The following HECW2 variants were observed in gnomAD, a reference collection of about 807,000 sequenced individuals.
HECW2 encodes E3 ubiquitin-protein ligase HECW2.
HECW2 carries 61 observed loss-of-function variants against 175.2 expected under a neutral mutation model. The observed-to-expected ratio is 0.35, with a 90% CI of 0.28 to 0.43. HECW2 has a LOEUF of 0.43. Ranked by LOEUF, HECW2 falls within the 20% of genes least tolerant of loss-of-function variation. The pLI is 1.00. For missense variants in HECW2, 1,524 were observed against 2,000.5 expected, an observed-to-expected ratio of 0.76 and a Z score of 4.54; for synonymous variants, 671 against 731.0, an observed-to-expected ratio of 0.92 and a Z score of 1.32.
At chr2:196,435,452 T>C (rs1020546375) in intron 1 of HECW2, among the ~76,000 whole-genome samples, 6 of 152,162 alleles carry the variant, frequency 3.9e-5, no homozygotes, top group Admixed American at 3.3e-4. Flanking sequence ...TCCTAACACA[T>C]TGTAGTTGAA....
rs760313602 is a variant in HECW2 at position 196,319,081 on chromosome 2, C to T, written c.1809G>A (p.Gln603=). 6.2e-7 allele frequency: 1 copy of T among 1,606,940 alleles called. No individual in the cohort carries two copies. The highest frequency in any genetic ancestry group is 8.5e-7 in the Non-Finnish European group (1 of 1,176,730). Residue 603 remains glutamine, a synonymous_variant, in exon 9 of 29, where the codon CAG becomes CAA. Coordinates refer to ENST00000644978, the MANE Select transcript of HECW2 (RefSeq NM_001348768.2). ...AGGACACCTGGGAAGGCTCAGAGCC[C>T]TGATCGAGAGACTCGGTCTCACTGA... is the stretch of plus-strand genomic sequence containing the variant. ...RAVSETESLD[Q]GSEPSQVSSE...
At chr2:196,570,297 A>G (rs1333794696) in intron 1 of HECW2, among the ~76,000 whole-genome samples, 3 of 152,242 alleles carry the variant, frequency 2.0e-5, no homozygotes, top group Admixed American at 2.0e-4. Context: ...ATTATAATGA[A>G]CATATCATTT....
intron 19 of HECW2, among the ~76,000 whole-genome samples, chr2:196,248,987 A>G (rs541881128): frequency 6.6e-6 from 1 of 152,316 alleles, no homozygotes; most frequent in South Asian, 2.1e-4. Flanking sequence ...CATAGGCACA[A>G]TGATCCCCCC....
At chr2:196,266,719 T>A (rs1276241829) in intron 17 of HECW2, among the ~76,000 whole-genome samples, 1 of 152,236 alleles carries the variant, frequency 6.6e-6, no homozygotes, top group Non-Finnish European at 1.5e-5. Context: ...CACTAGGGTT[T>A]ATCTTAAGAA....
intron 2 of HECW2, among the ~76,000 whole-genome samples, chr2:196,344,745 C>T (rs976397947): frequency 2.0e-5 from 3 of 152,150 alleles, no homozygotes; most frequent in Non-Finnish European, 4.4e-5. Flanking sequence ...ATTTGTTTCC[C>T]CAAATCCCTT....
intron 1 of HECW2, among the ~76,000 whole-genome samples, chr2:196,444,150 G>A (rs924545994): frequency 1.1e-4 from 16 of 152,154 alleles, no homozygotes; most frequent in Admixed American, 8.5e-4. Flanking sequence ...AACCTTAAGC[G>A]GAAGATATCT....
At chr2:196,302,693 G>A (rs918980562) in intron 13 of HECW2, among the ~76,000 whole-genome samples, 6 of 152,264 alleles carry the variant, frequency 3.9e-5, no homozygotes, top group Non-Finnish European at 7.4e-5. Context: ...GTGAATGGGA[G>A]TTAATTCATG....
intron 1 of HECW2, among the ~76,000 whole-genome samples, chr2:196,575,022 G>A (rs974635983): frequency 9.5e-5 from 14 of 146,606 alleles, no homozygotes; most frequent in East Asian, 7.9e-4. Context: ...TCAAGCTTAC[G>A]GTGAGCTATG....
At chr2:196,474,776 A>C (rs981170287) in intron 1 of HECW2, among the ~76,000 whole-genome samples, 1 of 152,200 alleles carries the variant, frequency 6.6e-6, no homozygotes, top group Non-Finnish European at 1.5e-5. Context: ...ATTTCATACC[A>C]GGGTAGGTAA....
At position 196,274,092 on chromosome 2, in the gene HECW2, G is replaced by A; in HGVS notation, c.3167C>T (p.Pro1056Leu). 1 of 1,614,040 alleles carries A rather than the reference G, an allele frequency of 6.2e-7. No homozygotes were observed. The highest frequency in any genetic ancestry group is 2.2e-5 in the East Asian group (1 of 44,884). Reference sequence around the variant, plus strand: ...TGTACTGGATGGCCTGGGAAGAACTGGTGGTCCTGCATGTCGAGAATCTTC... The same window carrying A: ...TGTACTGGATGGCCTGGGAAGAACTAGTGGTCCTGCATGTCGAGAATCTTC... Reference protein sequence around the residue: ...VGEDSRHAGPPVLPRPSSTFN... With the variant: ...VGEDSRHAGPLVLPRPSSTFN... Residue 1056 changes from proline to leucine, a missense_variant, in exon 16 of 29, where the codon CCA (proline) becomes CTA (leucine). By Grantham distance (98) the Pro-to-Leu change is moderately conservative (BLOSUM62 -3). Around this residue, in one of 11 missense-constraint regions of HECW2, gnomAD observed 291 missense variants for 412.2 expected, o/e 0.71. Coordinates refer to ENST00000644978, the MANE Select transcript of HECW2 (RefSeq NM_001348768.2).
intron 1 of HECW2, among the ~76,000 whole-genome samples, chr2:196,546,740 T>C (rs753705678): frequency 6.6e-6 from 1 of 151,338 alleles, no homozygotes; most frequent in Non-Finnish European, 1.5e-5. Context: ...GAACAGTGAT[T>C]AGGCAACACA....
intron 2 of HECW2, among the ~76,000 whole-genome samples, chr2:196,390,474 C>G (rs573957291): frequency 1.5e-4 from 23 of 152,302 alleles, no homozygotes; most frequent in African/African-American, 5.3e-4. Flanking sequence ...TGAAACTAAA[C>G]AGCAAAAGTC....
At chr2:196,541,020 A>G (rs1001858125) in intron 1 of HECW2, among the ~76,000 whole-genome samples, 2 of 152,176 alleles carry the variant, frequency 1.3e-5, no homozygotes, top group African/African-American at 4.8e-5. Flanking sequence ...GTATCTTTAT[A>G]CTACAGATTC....
intron 17 of HECW2, among the ~76,000 whole-genome samples, chr2:196,268,569 C>T (rs1358639215): frequency 6.6e-6 from 1 of 152,214 alleles, no homozygotes; most frequent in Non-Finnish European, 1.5e-5. Flanking sequence ...AGACTAATGA[C>T]AAATGCCCTG....
chr2:196,538,074 G>A (rs912499007), intron 1 of HECW2, among the ~76,000 whole-genome samples: 4 of 152,168 alleles, frequency 2.6e-5, no homozygotes, highest in African/African-American at 9.7e-5. Flanking sequence ...TGTAACACTC[G>A]TACTCAACAG....
intron 2 of HECW2, among the ~76,000 whole-genome samples, chr2:196,373,271 T>C (rs1266576408): frequency 1.3e-5 from 2 of 152,240 alleles, no homozygotes; most frequent in African/African-American, 2.4e-5. Context: ...TTCAGTACTT[T>C]GTTTGTAATT....
At chr2:196,205,489 A>T (rs1052804386) in intron 28 of HECW2, among the ~76,000 whole-genome samples, 5 of 152,232 alleles carry the variant, frequency 3.3e-5, no homozygotes, top group Non-Finnish European at 4.4e-5. Flanking sequence ...TATTTTTTAA[A>T]TGAATAATTC....
intron 1 of HECW2, among the ~76,000 whole-genome samples, chr2:196,491,543 TG>T (rs1687198694): frequency 6.6e-6 from 1 of 151,014 alleles, no homozygotes; most frequent in African/African-American, 2.4e-5. Context: ...CACATATATA[TG>T]TATATATGGA....
rs1258710904 is a variant in HECW2 at position 196,308,044 on chromosome 2, C to A, written c.2476G>T (p.Val826Leu). ...RIDSHGRIFY[V>L]DHVNRTTTWQ... The stretch of plus-strand genomic sequence containing the variant: ...GTCGTGGTTCTGTTTACGTGATCCA[C>A]GTAGAAGATCCTGCCGTGGCTGTCA... The change falls in exon 11 of 29, where the codon GTG becomes TTG. Residue 826 changes from valine (V) to leucine (L), a missense_variant. Physicochemically the swap from Val to Leu is conservative, Grantham distance 32. Around this residue, in one of 11 missense-constraint regions of HECW2, gnomAD observed 82 missense variants for 124.4 expected, o/e 0.66. Coordinates refer to ENST00000644978, the MANE Select transcript of HECW2 (RefSeq NM_001348768.2). The A allele has an allele frequency of 1.3e-6, 2 of 1,597,124 alleles. No homozygotes were observed. Among genetic ancestry groups the A allele is most frequent in the Non-Finnish European group, 1.7e-6 (2 of 1,167,960 alleles).
Sources: allele counts gnomAD v4.1 joint callset (sites outside exome capture counted in the v4.1 genomes callset), GRCh38; gene constraint gnomAD v4.1.1; regional missense constraint gnomAD v4.1.1; transcripts MANE v1.5; gene names NCBI Gene and HGNC (gene_info 2026-07-23, HGNC 2026-07-21).